HK2: variants seen among roughly 807,000 people sequenced by gnomAD.
HK2 encodes hexokinase-2.
HK2 carries 42 observed loss-of-function variants against 92.9 expected under a neutral mutation model. The ratio of observed to expected loss-of-function variants is 0.45; its 90% CI spans 0.35 to 0.58. The LOEUF is 0.58. Among genes scored for constraint, HK2 ranks in the 20% least tolerant of loss-of-function variants. HK2 has a pLI of 0.00. For missense variants in HK2, 978 were observed against 1,245.1 expected, an observed-to-expected ratio of 0.79 and a Z score of 3.23; for synonymous variants, 422 against 468.0, an observed-to-expected ratio of 0.90 and a Z score of 1.27.
chr2:74,880,951 A>G (rs2103989773), intron 10 of HK2, among the ~76,000 whole-genome samples: 1 of 152,374 alleles, frequency 6.6e-6, no homozygotes, highest in Non-Finnish European at 1.5e-5. Flanking sequence ...CTGGGATTCA[A>G]ACCCAGGAAT....
intron 17 of HK2, 54 bp downstream of exon 17, chr2:74,889,532 TC>T: frequency 8.4e-7 from 1 of 1,193,076 alleles, no homozygotes; most frequent in Non-Finnish European, 1.2e-6. Context: ...CTTTGTTCTT[TC>T]CCTTTTCTTT....
Position 74,868,691 on chromosome 2 carries a change from A to G in HK2, c.375+907A>G, listed in dbSNP as rs148096050. ...GTTGCCTTTTCTTCCCGTTGCCTCGATCTCCTGCCTTGGGCCACATCCCCC... is the reference window on the plus strand; with the variant it reads ...GTTGCCTTTTCTTCCCGTTGCCTCGGTCTCCTGCCTTGGGCCACATCCCCC... On this transcript the variant is annotated intron_variant, in intron 3 of 17. Transcript: ENST00000290573. Among the ~76,000 whole-genome samples, 336 of 152,266 alleles carry G rather than the reference A, an allele frequency of 2.2e-3. 1 individual carries two copies. The highest frequency in any genetic ancestry group is 7.8e-3 in the African/African-American group (326 of 41,538).
At chr2:74,860,916 T>C (rs896432106) in intron 2 of HK2, among the ~76,000 whole-genome samples, 4 of 152,262 alleles carry the variant, frequency 2.6e-5, no homozygotes, top group African/African-American at 4.8e-5. Flanking sequence ...TGTATGTCCT[T>C]GTTTCTTTTT....
chr2:74,885,216 A>G (rs1172986051), intron 12 of HK2, among the ~76,000 whole-genome samples: 1 of 152,204 alleles, frequency 6.6e-6, no homozygotes, highest in Non-Finnish European at 1.5e-5. Context: ...GTTTCTTATA[A>G]AGTGGCCATA....
chr2:74,846,816 A>G (rs905696727), intron 1 of HK2, among the ~76,000 whole-genome samples: 2 of 152,044 alleles, frequency 1.3e-5, no homozygotes, highest in African/African-American at 4.8e-5. Context: ...CCATCCCACC[A>G]CCCTGTTTTG....
chr2:74,870,702 C>T (rs766579709), intron 3 of HK2, among the ~76,000 whole-genome samples: 9 of 152,042 alleles, frequency 5.9e-5, no homozygotes, highest in Non-Finnish European at 1.3e-4. Flanking sequence ...ACAGAATTTG[C>T]TGAATATATC....
Position 74,877,320 on chromosome 2 carries a change from G to T in HK2, c.1030G>T (p.Gly344Trp), listed in dbSNP as rs779271072. The T allele has an allele frequency of 6.2e-7, 1 of 1,614,068 alleles. No homozygotes were observed. The highest frequency in any genetic ancestry group is 1.3e-5 in the African/African-American group (1 of 75,052). ...FETKDISDIE[G>W]EKDGIRKARE... Reference sequence around the variant, plus strand: ...GACCAAAGACATCTCAGACATTGAAGGGTGAGCTTCTGGCCAGCCCCCTCT... The same window carrying T: ...GACCAAAGACATCTCAGACATTGAATGGTGAGCTTCTGGCCAGCCCCCTCT... The change falls in exon 8 of 18, where the codon GGG (glycine) becomes TGG (tryptophan). Residue 344 changes from glycine (G) to tryptophan (W), a missense_variant and splice_region_variant. Coordinates refer to ENST00000290573, the MANE Select transcript of HK2 (RefSeq NM_000189.5).
At chr2:74,877,379 T>G in intron 8 of HK2, 58 bp downstream of exon 8, 8 of 1,595,336 alleles carry the variant, frequency 5.0e-6, no homozygotes, top group Non-Finnish European at 6.9e-6. Context: ...TGACGGGTAG[T>G]TGGGGAATGA....
At chr2:74,839,066 T>A (rs1337803924) in intron 1 of HK2, among the ~76,000 whole-genome samples, 1 of 152,194 alleles carries the variant, frequency 6.6e-6, no homozygotes, top group Non-Finnish European at 1.5e-5. Flanking sequence ...TGACCTTCAA[T>A]GCTGGGCTTG....
intron 2 of HK2, among the ~76,000 whole-genome samples, chr2:74,866,533 C>T (rs1227501693): frequency 1.3e-5 from 2 of 152,192 alleles, no homozygotes; most frequent in African/African-American, 4.8e-5. Context: ...TTCTGTGCCA[C>T]ACAATGGGGC....
chr2:74,865,875 G>A (rs1688933640), intron 2 of HK2, among the ~76,000 whole-genome samples: 2 of 152,102 alleles, frequency 1.3e-5, no homozygotes, highest in Admixed American at 6.5e-5. Context: ...CTTACTGAGT[G>A]TGTCCTGAGT....
chr2:74,884,421 AG>A (rs1422804866), intron 12 of HK2, among the ~76,000 whole-genome samples: 6 of 152,254 alleles, frequency 3.9e-5, no homozygotes, highest in Non-Finnish European at 7.3e-5. Flanking sequence ...TTGCCTCATC[AG>A]TAAGGATCAC....
intron 2 of HK2, among the ~76,000 whole-genome samples, chr2:74,857,727 G>A (rs537015715): frequency 3.3e-5 from 5 of 152,166 alleles, no homozygotes; most frequent in Non-Finnish European, 7.3e-5. Context: ...TGTCAGTTGG[G>A]GGTATGAGTT....
chr2:74,851,258 A>G (rs187669846), intron 1 of HK2, among the ~76,000 whole-genome samples: 140 of 152,338 alleles, frequency 9.2e-4, no homozygotes, highest in Non-Finnish European at 8.2e-4. Context: ...TTTTACGAAG[A>G]CAATGGAGAA....
At chr2:74,877,917 T>C (rs1047093966) in intron 8 of HK2, among the ~76,000 whole-genome samples, 4 of 152,170 alleles carry the variant, frequency 2.6e-5, no homozygotes, top group African/African-American at 9.7e-5. Flanking sequence ...ACTTGTAGAT[T>C]GAAGAAGTCC....
intron 3 of HK2, among the ~76,000 whole-genome samples, chr2:74,868,316 A>G (rs920276160): frequency 1.4e-4 from 21 of 152,168 alleles, no homozygotes; most frequent in African/African-American, 5.1e-4. Context: ...TGGCTCCAGT[A>G]TAACGTCAGG....
intron 8 of HK2, among the ~76,000 whole-genome samples, 173 bp from the exon 9 acceptor site, chr2:74,878,515 C>T (rs1558801946): frequency 6.6e-6 from 1 of 151,878 alleles, no homozygotes; most frequent in African/African-American, 2.4e-5. Context: ...TATTTTGCAC[C>T]CCCTTCCTCC....
intron 1 of HK2, among the ~76,000 whole-genome samples, chr2:74,845,387 CT>C (rs1354131173): frequency 6.6e-6 from 1 of 152,256 alleles, no homozygotes; most frequent in Admixed American, 6.5e-5. Flanking sequence ...CATAATCCCC[CT>C]TTGCTCTGCT....
chr2:74,845,599 G>T (rs529664524), intron 1 of HK2, among the ~76,000 whole-genome samples: 3 of 152,232 alleles, frequency 2.0e-5, no homozygotes, highest in Non-Finnish European at 4.4e-5. Flanking sequence ...GGAGTGGCCC[G>T]TATGCCTCCC....
Sources: allele counts gnomAD v4.1 joint callset (sites outside exome capture counted in the v4.1 genomes callset), GRCh38; gene constraint gnomAD v4.1.1; transcripts MANE v1.5; gene names NCBI Gene and HGNC (gene_info 2026-07-23, HGNC 2026-07-21).